The following HEATR4 variants were observed in gnomAD, a reference collection of about 807,000 sequenced individuals.
HEATR4 encodes the protein HEAT repeat-containing protein 4.
A neutral mutation model predicts 108.8 loss-of-function variants in HEATR4; 95 were observed. That is an observed-to-expected ratio of 0.87 (90% CI 0.74 to 1.04). The LOEUF is 1.04. Ranked by LOEUF, HEATR4 falls within the 50% of genes least tolerant of loss-of-function variation. HEATR4 has a pLI of 0.00. For synonymous variants in HEATR4, 443 were observed against 459.4 expected (o/e 0.96, Z 0.46); for missense variants, 1,152 against 1,253.8 (o/e 0.92, Z 1.23).
chr14:73,580,398 C>T, the HEATR4 span, among the ~76,000 whole-genome samples: 1 of 151,990 alleles, frequency 6.6e-6, no homozygotes, highest in Non-Finnish European at 1.5e-5. Context: ...TGCAGCTGCT[C>T]GCCACTTGTA....
chr14:73,574,541 G>T, the HEATR4 span: 1 of 407,332 alleles, frequency 2.5e-6, no homozygotes, highest in Non-Finnish European at 4.5e-6. Flanking sequence ...GGGATTACAG[G>T]CGTCAGCCAC....
chr14:73,497,841 G>T (rs768889595), intron 14 of HEATR4, among the ~76,000 whole-genome samples: 3 of 151,912 alleles, frequency 2.0e-5, no homozygotes, highest in African/African-American at 4.8e-5. Flanking sequence ...GGTCAGGCTG[G>T]TCTCAAACTC....
intron 17 of HEATR4, chr14:73,491,155 T>A: frequency 1.2e-6 from 2 of 1,606,286 alleles, no homozygotes; most frequent in Non-Finnish European, 1.7e-6. Flanking sequence ...TGCGAAGTGT[T>A]GTATCCCGCA....
intron 6 of HEATR4, among the ~76,000 whole-genome samples, chr14:73,513,257 G>A (rs1286573906): frequency 1.3e-5 from 2 of 152,126 alleles, no homozygotes; most frequent in African/African-American, 4.8e-5. Flanking sequence ...TCAGGAGTTC[G>A]AGACCAGCCT....
Position 73,522,619 on chromosome 14 carries a change from T to C in HEATR4, c.534A>G (p.Pro178=). 6.2e-7 allele frequency: 1 copy of C among 1,614,176 alleles called. No individual in the cohort carries two copies. The highest frequency in any genetic ancestry group is 1.1e-5 in the South Asian group (1 of 91,088). ...CCTCCAGGTTCACATCTAGAGAAGG[T>C]GGCCGACCCAGCATATCTGGATGCA... The part of the protein sequence containing the change: ...PCMHPDMLGR[P]PSLDVNLEER... Residue 178 remains proline (P), a synonymous_variant, in exon 3 of 18, where the codon CCA becomes CCG. Coordinates refer to ENST00000553558, the MANE Select transcript of HEATR4 (RefSeq NM_001220484.1).
chr14:73,567,646 G>C, the HEATR4 span: 1 of 152,050 alleles, frequency 6.6e-6, no homozygotes, highest in Admixed American at 6.6e-5. Flanking sequence ...GCTCCAGGCT[G>C]ATGGAAGCTT....
At chr14:73,589,064 AT>A in the HEATR4 span, among the ~76,000 whole-genome samples, 1 of 152,108 alleles carries the variant, frequency 6.6e-6, no homozygotes, top group Non-Finnish European at 1.5e-5. Flanking sequence ...ATTTGTTACA[AT>A]TGATTAACCT....
At chr14:73,532,179 A>G (rs1888726924) in intron 1 of HEATR4, among the ~76,000 whole-genome samples, 1 of 115,868 alleles carries the variant, frequency 8.6e-6, no homozygotes, top group Non-Finnish European at 1.9e-5. Flanking sequence ...CTGATAAAAC[A>G]GATGGTAAAG....
chr14:73,578,819 G>T, the HEATR4 span, among the ~76,000 whole-genome samples: 1 of 151,802 alleles, frequency 6.6e-6, no homozygotes. Context: ...AGGCGCGGTG[G>T]CTCATGCCTG....
chr14:73,547,131 C>G (rs1366488476), intron 1 of HEATR4, among the ~76,000 whole-genome samples: 1 of 111,236 alleles, frequency 9.0e-6, no homozygotes, highest in African/African-American at 2.8e-5. Flanking sequence ...GCCTGTAATC[C>G]CAGCCCTTTG....
At chr14:73,612,665 G>C in the HEATR4 span, 2 of 1,414,088 alleles carry the variant, frequency 1.4e-6, no homozygotes, top group African/African-American at 3.0e-5. Flanking sequence ...GGAGCAGCCA[G>C]TCACGCTGCG....
the HEATR4 span, among the ~76,000 whole-genome samples, chr14:73,565,291 T>C: frequency 6.6e-6 from 1 of 152,116 alleles, no homozygotes; most frequent in Non-Finnish European, 1.5e-5. Context: ...CTAAATCTTC[T>C]TCAACATCAT....
In HEATR4 at chr14:73,532,416, A is replaced by C. The variant is rs1162312357; in HGVS notation, c.-151-2172T>G. Among the ~76,000 whole-genome samples, 2 of 116,410 alleles carry C rather than the reference A, an allele frequency of 1.7e-5. 1 individual carries two copies. The highest frequency in any genetic ancestry group is 5.6e-5 in the African/African-American group (2 of 35,746). 76.4% of individuals were successfully genotyped at this position (116,410 alleles called of 152,430 possible). On this transcript the variant is annotated intron_variant, in intron 1 of 17. Coordinates refer to ENST00000553558, the MANE Select transcript of HEATR4 (RefSeq NM_001220484.1). The stretch of plus-strand genomic sequence containing the variant: ...AGTCATAGAAGTCTTACAGATACAG[A>C]AATTCTGATCTTCAGGAGTCCTGTT...
At chr14:73,514,578 A>G (rs960574153) in intron 5 of HEATR4, among the ~76,000 whole-genome samples, 1 of 152,218 alleles carries the variant, frequency 6.6e-6, no homozygotes, top group African/African-American at 2.4e-5. Flanking sequence ...TTTGCTCATA[A>G]TATTTGATAC....
chr14:73,507,291 C>G (rs1249928520), intron 9 of HEATR4, among the ~76,000 whole-genome samples: 1 of 152,128 alleles, frequency 6.6e-6, no homozygotes, highest in Non-Finnish European at 1.5e-5. Context: ...CCATTTGCAA[C>G]CTAATTCTCA....
chr14:73,493,035 C>A, intron 17 of HEATR4, 31 bp downstream of exon 17: 1 of 1,558,684 alleles, frequency 6.4e-7, no homozygotes, highest in Non-Finnish European at 8.7e-7. Context: ...CACGTTCTTA[C>A]CTTGATAAGC....
At chr14:73,491,087 C>G (rs745997263) in intron 17 of HEATR4, 1 of 1,599,706 alleles carries the variant, frequency 6.3e-7, no homozygotes, top group Non-Finnish European at 8.5e-7. Flanking sequence ...CAAGCCCCAG[C>G]CACACAGCGG....
At chr14:73,591,541 CAAAA>C in the HEATR4 span, among the ~76,000 whole-genome samples, 1 of 139,848 alleles carries the variant, frequency 7.2e-6, no homozygotes, top group East Asian at 2.1e-4. Flanking sequence ...GACTCTGTTT[CAAAA>C]AAAAAAAAAG....
chr14:73,618,325 A>ATTTATAATTTTGAAATATTT, the HEATR4 span, among the ~76,000 whole-genome samples: 3 of 151,824 alleles, frequency 2.0e-5, no homozygotes, highest in African/African-American at 7.3e-5. Flanking sequence ...GGCACCCCAG[A>ATTTATAATTTTGAAATATTT]ATTCTCTGCC....
Sources: allele counts gnomAD v4.1 joint callset (sites outside exome capture counted in the v4.1 genomes callset), GRCh38; gene constraint gnomAD v4.1.1; transcripts MANE v1.5; gene names NCBI Gene and HGNC (gene_info 2026-07-23, HGNC 2026-07-21).